The following OSBPL8 variants were observed in gnomAD, a reference collection of about 807,000 sequenced individuals.
OSBPL8 encodes oxysterol binding protein like 8, also known as oxysterol-binding protein-related protein 8.
OSBPL8 carries 59 observed loss-of-function variants against 125.5 expected under a neutral mutation model. The ratio of observed to expected loss-of-function variants is 0.47; its 90% CI spans 0.38 to 0.58. The LOEUF is 0.58. OSBPL8 is among the 20% of genes least tolerant of loss of function. The pLI, the probability that OSBPL8 is intolerant of heterozygous loss-of-function variation, is 0.00. For missense variants in OSBPL8, 758 were observed against 1,047.8 expected (o/e 0.72, Z 3.82); for synonymous variants, 330 against 338.9 (o/e 0.97, Z 0.29).
At chr12:76,427,144 T>G (rs1870245061) in intron 4 of OSBPL8, among the ~76,000 whole-genome samples, 2 of 152,116 alleles carry the variant, frequency 1.3e-5, no homozygotes, top group South Asian at 4.1e-4. Context: ...CGTTAAAGGT[T>G]TTAAAATACT....
At chr12:76,359,180 G>A (rs1001854780) in intron 21 of OSBPL8, among the ~76,000 whole-genome samples, 1 of 152,102 alleles carries the variant, frequency 6.6e-6, no homozygotes, top group South Asian at 2.1e-4. Flanking sequence ...TTATTCTCTA[G>A]TAGAATGTTA....
intron 17 of OSBPL8, among the ~76,000 whole-genome samples, chr12:76,374,830 T>C (rs1952750303): frequency 6.6e-6 from 1 of 152,160 alleles, no homozygotes; most frequent in African/African-American, 2.4e-5. Flanking sequence ...CAGCACATAG[T>C]TATTAAGTCT....
Position 76,519,993 on chromosome 12 carries a change from TA to T in OSBPL8, c.-67-32376del, listed in dbSNP as rs370219462. On this transcript the variant is annotated intron_variant, in intron 1 of 23. Transcript: ENST00000261183. ...ATCAGTACAGAAGGAGCTTATTTAG[TA>T]AAACCACCAGAAACAAGAACAGCAG... is the stretch of plus-strand genomic sequence containing the variant. 2.8e-4 allele frequency among the ~76,000 whole-genome samples: 43 copies of T among 152,214 alleles called. No individual in the cohort carries two copies. The East Asian group carries it at 7.2e-3, about 25-fold the overall frequency.
chr12:76,373,508 C>A, intron 17 of OSBPL8, 75 bp from the exon 18 acceptor site: 1 of 1,125,070 alleles, frequency 8.9e-7, no homozygotes, highest in Admixed American at 2.3e-5. Context: ...AAACAAAAAA[C>A]CCAACAAAAA....
chr12:76,427,508 A>G (rs1029191302), intron 4 of OSBPL8, among the ~76,000 whole-genome samples: 24 of 151,966 alleles, frequency 1.6e-4, no homozygotes, highest in African/African-American at 5.6e-4. Flanking sequence ...TAATTTCACA[A>G]GGGAAACACA....
chr12:76,366,807 T>C (rs1952433960), intron 21 of OSBPL8, among the ~76,000 whole-genome samples: 1 of 150,840 alleles, frequency 6.6e-6, no homozygotes, highest in African/African-American at 2.4e-5. Flanking sequence ...TTTGTTTTGT[T>C]TGTTTCTGAG....
intron 19 of OSBPL8, 30 bp downstream of exon 19, chr12:76,371,418 A>C (rs373942664): frequency 6.4e-6 from 10 of 1,564,572 alleles, no homozygotes; most frequent in African/African-American, 1.4e-5. Context: ...TCTGATCCTC[A>C]TGAAGTTAGC....
intron 6 of OSBPL8, 72 bp from the exon 7 acceptor site, chr12:76,400,046 CA>C: frequency 1.7e-6 from 2 of 1,147,432 alleles, no homozygotes; most frequent in East Asian, 2.6e-5. Context: ...TTCAGGGGTA[CA>C]AATGCAGGTT....
At chr12:76,520,593 G>GTT in intron 1 of OSBPL8, among the ~76,000 whole-genome samples, 1 of 152,204 alleles carries the variant, frequency 6.6e-6, no homozygotes, top group Admixed American at 6.5e-5. Flanking sequence ...GCCAAACAAA[G>GTT]TATGGCAAGA....
intron 4 of OSBPL8, among the ~76,000 whole-genome samples, chr12:76,418,010 C>CTTTTTTTTTTTTTT (rs35319213): frequency 6.3e-5 from 7 of 111,582 alleles, no homozygotes; most frequent in Non-Finnish European, 9.1e-5. Context: ...TTTTCACTAC[C>CTTTTTTTTTTTTTT]TTTTTTTTTT....
At chr12:76,410,802 G>A (rs1954483544) in intron 4 of OSBPL8, among the ~76,000 whole-genome samples, 168 bp from the exon 5 acceptor site, 1 of 152,076 alleles carries the variant, frequency 6.6e-6, no homozygotes, top group African/African-American at 2.4e-5. Flanking sequence ...TAATCCTTTA[G>A]AACTAAGGCT....
At chr12:76,426,740 TAAAAC>T (rs1229240300) in intron 4 of OSBPL8, among the ~76,000 whole-genome samples, 2 of 152,180 alleles carry the variant, frequency 1.3e-5, no homozygotes, top group African/African-American at 2.4e-5. Context: ...GTTTTTTTCT[TAAAAC>T]AAAGTTCTCA....
At chr12:76,392,536 T>G in intron 10 of OSBPL8, 45 bp downstream of exon 10, 1 of 1,548,572 alleles carries the variant, frequency 6.5e-7, no homozygotes, top group Non-Finnish European at 8.8e-7. Flanking sequence ...TTGTGAACAG[T>G]ATGGTCTCTG....
At chr12:76,393,089 G>A (rs1953632263) in intron 9 of OSBPL8, among the ~76,000 whole-genome samples, 1 of 152,138 alleles carries the variant, frequency 6.6e-6, no homozygotes, top group African/African-American at 2.4e-5. Flanking sequence ...GAGGATTTAT[G>A]ATTCTACTAC....
chr12:76,520,554 G>C (rs145460960), intron 1 of OSBPL8, among the ~76,000 whole-genome samples: 1 of 152,160 alleles, frequency 6.6e-6, no homozygotes, highest in South Asian at 2.1e-4. Context: ...TGATGTTTAA[G>C]TTGAGACCTA....
At chr12:76,419,297 T>C (rs1434419010) in intron 4 of OSBPL8, among the ~76,000 whole-genome samples, 1 of 152,192 alleles carries the variant, frequency 6.6e-6, no homozygotes, top group African/African-American at 2.4e-5. Context: ...ATAGTGTACC[T>C]ACCTGTTACA....
At chr12:76,517,028 G>A (rs1432720248) in intron 1 of OSBPL8, among the ~76,000 whole-genome samples, 1 of 151,994 alleles carries the variant, frequency 6.6e-6, no homozygotes, top group East Asian at 1.9e-4. Flanking sequence ...TAGCCAGCCT[G>A]GTCTCGAACT....
intron 4 of OSBPL8, among the ~76,000 whole-genome samples, chr12:76,430,304 C>T (rs1838170491): frequency 6.6e-6 from 1 of 152,168 alleles, no homozygotes; most frequent in Non-Finnish European, 1.5e-5. Flanking sequence ...CCCCAGGTAA[C>T]AGGCTCACCA....
chr12:76,541,239 G>A (rs1188392304), intron 1 of OSBPL8, among the ~76,000 whole-genome samples: 1 of 152,114 alleles, frequency 6.6e-6, no homozygotes, highest in African/African-American at 2.4e-5. Context: ...AGCACTTTAG[G>A]AGGCCGAGGC....
Sources: gnomAD v4.1 joint callset for allele counts (sites outside exome capture counted in the v4.1 genomes callset) on GRCh38, gnomAD v4.1.1 for gene constraint, MANE v1.5 for transcripts, NCBI Gene and HGNC (gene_info 2026-07-23, HGNC 2026-07-21) for gene names.